The following LGI1 variants were observed in gnomAD, a reference collection of about 807,000 sequenced individuals.
LGI1 encodes leucine rich glioma inactivated 1, also known as leucine-rich glioma-inactivated protein 1.
LGI1 carries 11 observed loss-of-function variants against 57.7 expected under a neutral mutation model. The observed-to-expected ratio is 0.19, with a 90% CI of 0.12 to 0.32. The LOEUF (loss-of-function observed/expected upper bound fraction) is 0.32. LGI1 is among the 10% of genes least tolerant of loss of function. The probability of loss-of-function intolerance (pLI) is 1.00; values close to 1 mark genes in which losing one functional copy is unlikely to be tolerated. For missense variants in LGI1, 422 were observed against 661.9 expected, an observed-to-expected ratio of 0.64 and a Z score of 3.98; for synonymous variants, 222 against 241.9, an observed-to-expected ratio of 0.92 and a Z score of 0.76.
At chr10:93,779,809 G>T (rs1350161651) in intron 4 of LGI1, among the ~76,000 whole-genome samples, 4 of 152,200 alleles carry the variant, frequency 2.6e-5, no homozygotes, top group Non-Finnish European at 5.9e-5. Flanking sequence ...AACAGGCAGT[G>T]AAAGAGAAGT....
At chr10:93,796,211 C>T (rs916157266) in intron 7 of LGI1, among the ~76,000 whole-genome samples, 1 of 152,172 alleles carries the variant, frequency 6.6e-6, no homozygotes. Flanking sequence ...TCACTCCTGC[C>T]ACCAGTGACC....
Position 93,758,724 on chromosome 10 carries a change from CTGTT to C in LGI1, c.216-26_216-23del, listed in dbSNP as rs758437351. On this transcript the variant is annotated intron_variant, in intron 1 of 7. Transcript: ENST00000371418. The surrounding 1 kb of genome is among the most constrained non-coding windows in gnomAD (Gnocchi z 4.7). ...TGTGTGTGTGTCTCTTTGTGTGTGT[CTGTT>C]TGTTTGTTTTCTCTTTTTTGTTTTC... 5.0e-5 allele frequency: 72 copies of C among 1,439,576 alleles called. No individual in the cohort carries two copies. The highest frequency in any genetic ancestry group is 1.9e-4 in the African/African-American group (14 of 71,834). The allele number at this position is 1,439,576 out of a possible 1,614,324, so 89.2% of individuals were successfully genotyped here.
At chr10:93,792,697 G>A (rs938300121) in intron 5 of LGI1, 46 bp from the exon 6 acceptor site, 3 of 1,586,978 alleles carry the variant, frequency 1.9e-6, no homozygotes, top group Admixed American at 3.3e-5. Context: ...TTTCCTGCGT[G>A]GGTAGGGCCC....
At chr10:93,760,442 T>C (rs2059610723) in intron 2 of LGI1, among the ~76,000 whole-genome samples, 1 of 152,240 alleles carries the variant, frequency 6.6e-6, no homozygotes, top group Non-Finnish European at 1.5e-5. Flanking sequence ...AAATAGCTCT[T>C]TTAAAAAGCA....
At position 93,787,353 on chromosome 10, in the gene LGI1, G is replaced by A. The variant is rs140525338; in HGVS notation, c.432-2746G>A. On this transcript the variant is annotated intron_variant, in intron 4 of 7. Transcript: ENST00000371418. Reference sequence around the variant, plus strand: ...CCAAGGCAAAAGCCTGTCACAAGAGGTTCTCAGGAAATTTAATGCCTCATT... The same window carrying A: ...CCAAGGCAAAAGCCTGTCACAAGAGATTCTCAGGAAATTTAATGCCTCATT... 3.3e-5 allele frequency among the ~76,000 whole-genome samples: 5 copies of A among 152,238 alleles called. No individual in the cohort carries two copies. In the East Asian group the frequency reaches 9.7e-4, roughly 29 times the overall value.
At chr10:93,772,673 G>T (rs1169459361) in intron 2 of LGI1, 1 of 152,056 alleles carries the variant, frequency 6.6e-6, no homozygotes, top group Non-Finnish European at 1.5e-5. Flanking sequence ...ATGCATATCA[G>T]TGTCTTTGGG....
chr10:93,790,470 A>G, intron 5 of LGI1: 1 of 330,702 alleles, frequency 3.0e-6, no homozygotes, highest in Non-Finnish European at 5.5e-6. Context: ...CCCGGCTAGA[A>G]ATTTCAAAAT....
At chr10:93,761,692 C>T (rs187236206) in intron 2 of LGI1, among the ~76,000 whole-genome samples, 18 of 151,902 alleles carry the variant, frequency 1.2e-4, no homozygotes, top group East Asian at 3.9e-4. Context: ...ACCCACATTC[C>T]GTAGAGAAGA....
At chr10:93,783,248 C>T (rs969455845) in intron 4 of LGI1, among the ~76,000 whole-genome samples, 5 of 152,116 alleles carry the variant, frequency 3.3e-5, no homozygotes, top group Non-Finnish European at 7.4e-5. Flanking sequence ...TGGTGGCGGG[C>T]GCCTGTAGTC....
At chr10:93,778,345 TCACACACACA>T (rs60017902) in intron 4 of LGI1, among the ~76,000 whole-genome samples, 5,490 of 148,628 alleles carry the variant, frequency 0.037, 109 homozygotes, top group East Asian at 0.11. Flanking sequence ...ACAAACACAT[TCACACACACA>T]CACACACACA....
rs138822444 is a variant in LGI1, at chr10:93,796,032, G to T, written c.839-936G>T. Among the ~76,000 whole-genome samples the T allele has an allele frequency of 2.2e-3, 341 of 152,346 alleles. 1 individual carries two copies. Among genetic ancestry groups the T allele is most frequent in the African/African-American group, 7.9e-3 (327 of 41,586 alleles). ...CTGGATTTTCTAGAGCCAAACTCCT[G>T]CAAGATCAGAATCTACTGATAAATG... On this transcript the variant is annotated intron_variant, in intron 7 of 7. Coordinates refer to ENST00000371418, the MANE Select transcript of LGI1 (RefSeq NM_005097.4).
At chr10:93,778,345 TCA>T (rs60017902) in intron 4 of LGI1, among the ~76,000 whole-genome samples, 6,451 of 148,646 alleles carry the variant, frequency 0.043, 130 homozygotes, top group African/African-American at 0.05. Flanking sequence ...ACAAACACAT[TCA>T]CACACACACA....
Position 93,787,047 on chromosome 10 carries a change from C to G in LGI1, c.432-3052C>G, listed in dbSNP as rs1396914718. 2.6e-5 allele frequency among the ~76,000 whole-genome samples: 4 copies of G among 152,324 alleles called. No homozygotes were observed. In the East Asian group the frequency reaches 7.7e-4, roughly 29 times the overall value. On this transcript the variant is annotated intron_variant, in intron 4 of 7. Coordinates refer to ENST00000371418, the MANE Select transcript of LGI1 (RefSeq NM_005097.4). ...GAGACTTAGGGAAGCTGTCTGAACT[C>G]CAGCTCCCTAGCCTTGGATGTCTGG...
intron 2 of LGI1, chr10:93,764,874 C>T (rs76560453): frequency 3.3e-5 from 5 of 152,198 alleles, no homozygotes; most frequent in Non-Finnish European, 5.9e-5. Flanking sequence ...CTGGGTTTGC[C>T]GATAATCTCA....
chr10:93,784,878 C>A (rs1163909005), intron 4 of LGI1, among the ~76,000 whole-genome samples: 1 of 152,076 alleles, frequency 6.6e-6, no homozygotes, highest in Non-Finnish European at 1.5e-5. Flanking sequence ...ACTCTGTGGG[C>A]CAGGATCCAT....
At chr10:93,783,764 C>A (rs565878810) in intron 4 of LGI1, among the ~76,000 whole-genome samples, 1 of 152,182 alleles carries the variant, frequency 6.6e-6, no homozygotes, top group African/African-American at 2.4e-5. Flanking sequence ...GTAATCCCAG[C>A]ACTTTGGGAG....
intron 2 of LGI1, among the ~76,000 whole-genome samples, chr10:93,774,415 C>CT (rs1470766886): frequency 6.6e-6 from 1 of 152,134 alleles, no homozygotes; most frequent in Non-Finnish European, 1.5e-5. Flanking sequence ...CTTCAAAAAA[C>CT]TTATCTTGGT....
rs200600330 is a variant in LGI1 at position 93,797,718 on chromosome 10, T to C, written c.1589T>C (p.Ile530Thr). The change falls in exon 8 of 8, where the codon ATT (isoleucine) becomes ACT (threonine). Residue 530 changes from isoleucine to threonine, a missense_variant. Around this residue, in one of 3 missense-constraint regions of LGI1, gnomAD observed 301 missense variants for 461.7 expected, o/e 0.65. Coordinates refer to ENST00000371418, the MANE Select transcript of LGI1 (RefSeq NM_005097.4). This position sits in a 1 kb window ranked among gnomAD's most constrained non-coding sequence, Gnocchi z 6.5. Reference sequence around the variant, plus strand: ...CCAAGATCATTCACACATGTGTCCATTAATAAGCGTAATTTTCTTTTTGCT... The same window carrying C: ...CCAAGATCATTCACACATGTGTCCACTAATAAGCGTAATTTTCTTTTTGCT... ...QAPRSFTHVS[I>T]NKRNFLFASS... 4 of 1,613,050 alleles carry C rather than the reference T, an allele frequency of 2.5e-6. No individual in the cohort carries two copies. Among genetic ancestry groups the C allele is most frequent in the Non-Finnish European group, 3.4e-6 (4 of 1,180,026 alleles).
At chr10:93,761,792 A>G (rs1032500288) in intron 2 of LGI1, among the ~76,000 whole-genome samples, 11 of 152,354 alleles carry the variant, frequency 7.2e-5, no homozygotes, top group African/African-American at 2.4e-4. Context: ...TTTAAACATA[A>G]CAATAAAAAC....
Sources: allele counts gnomAD v4.1 joint callset (sites outside exome capture counted in the v4.1 genomes callset), GRCh38; gene constraint gnomAD v4.1.1; regional missense constraint gnomAD v4.1.1; non-coding constraint Gnocchi (gnomAD v3.1); transcripts MANE v1.5; gene names NCBI Gene and HGNC (gene_info 2026-07-23, HGNC 2026-07-21).